UBL3: variants seen among roughly 807,000 people sequenced by gnomAD.
The protein encoded by UBL3 is ubiquitin like 3, also known as ubiquitin-like protein 3.
Under a neutral mutation model 18.4 loss-of-function variants are expected in UBL3, and 6 were observed. The observed-to-expected ratio is 0.33, with a 90% CI of 0.18 to 0.64. UBL3 has a LOEUF of 0.64. Ranked by LOEUF, UBL3 falls within the 30% of genes least tolerant of loss-of-function variation. The probability of loss-of-function intolerance (pLI) is 0.76; values close to 1 mark genes in which losing one functional copy is unlikely to be tolerated. For missense variants in UBL3, 109 were observed against 142.9 expected, an observed-to-expected ratio of 0.76 and a Z score of 1.21; for synonymous variants, 49 against 46.6, an observed-to-expected ratio of 1.05 and a Z score of -0.21.
intron 1 of UBL3, among the ~76,000 whole-genome samples, chr13:29,794,419 ATGTT>A (rs1222701243): frequency 3.3e-5 from 5 of 151,998 alleles, no homozygotes; most frequent in Non-Finnish European, 7.4e-5. Flanking sequence ...TACTTTAGTT[ATGTT>A]TGTTAGGTGA....
At position 29,850,518 on chromosome 13, in the gene UBL3, C is replaced by A. The variant is rs550775715; in HGVS notation, c.-980G>T. 6.5e-6 allele frequency: 1 copy of A among 153,022 alleles called. No homozygotes were observed. Among genetic ancestry groups the A allele is most frequent in the Non-Finnish European group, 1.5e-5 (1 of 68,720 alleles). The allele number at this position is 153,022 out of a possible 1,614,324, so 9.5% of individuals were successfully genotyped here. ...TCAGAGCTTTGTTTCTCCTCCTCCTCCTTCACTTTTCAGTCCCACACGCCG... is the reference window on the plus strand; with the variant it reads ...TCAGAGCTTTGTTTCTCCTCCTCCTACTTCACTTTTCAGTCCCACACGCCG... On this transcript the variant is annotated 5_prime_UTR_variant, in exon 1 of 5. Coordinates refer to ENST00000380680, the MANE Select transcript of UBL3 (RefSeq NM_007106.4).
chr13:29,794,108 A>C (rs888069128), intron 1 of UBL3, among the ~76,000 whole-genome samples: 1 of 152,226 alleles, frequency 6.6e-6, no homozygotes, highest in Non-Finnish European at 1.5e-5. Context: ...ACCCTCCCGA[A>C]GTGCTGGGAT....
At chr13:29,843,234 C>T (rs1027972616) in intron 1 of UBL3, among the ~76,000 whole-genome samples, 2 of 152,084 alleles carry the variant, frequency 1.3e-5, no homozygotes, top group Admixed American at 1.3e-4. Context: ...CATTTATAAA[C>T]ATACACATAG....
At chr13:29,792,706 T>C (rs1183119205) in intron 1 of UBL3, among the ~76,000 whole-genome samples, 1 of 152,240 alleles carries the variant, frequency 6.6e-6, no homozygotes, top group Non-Finnish European at 1.5e-5. Context: ...CATGAATTCT[T>C]ACTTGAATAC....
chr13:29,840,711 C>G (rs1296746777), intron 1 of UBL3, among the ~76,000 whole-genome samples: 1 of 152,122 alleles, frequency 6.6e-6, no homozygotes, highest in Non-Finnish European at 1.5e-5. Context: ...TATTTTTTGA[C>G]AGAGCAACTA....
intron 1 of UBL3, among the ~76,000 whole-genome samples, chr13:29,820,930 T>C (rs766323216): frequency 1.5e-4 from 23 of 152,228 alleles, no homozygotes; most frequent in Non-Finnish European, 3.1e-4. Context: ...GACTGTCACA[T>C]GATAGGCTCT....
rs147613222 is a variant in UBL3 at position 29,827,439 on chromosome 13, G to A, written c.27+22073C>T. Among the ~76,000 whole-genome samples the A allele has an allele frequency of 2.8e-3, 423 of 151,840 alleles. 4 individuals are homozygous for A. The highest frequency in any genetic ancestry group is 3.3e-3 in the Non-Finnish European group (222 of 67,780). ...ATTGATCCCTTTACCATTATGTAAC[G>A]GCCTTGTCTCTTTTGATCTTTGCTG... On this transcript the variant is annotated intron_variant, in intron 1 of 4. Transcript: ENST00000380680.
At chr13:29,788,004 G>C (rs992126233) in intron 1 of UBL3, among the ~76,000 whole-genome samples, 1 of 152,134 alleles carries the variant, frequency 6.6e-6, no homozygotes, top group Non-Finnish European at 1.5e-5. Flanking sequence ...CATGATGGTG[G>C]AAGTTTTTTG....
At chr13:29,796,454 A>C (rs1877616344) in intron 1 of UBL3, among the ~76,000 whole-genome samples, 1 of 152,200 alleles carries the variant, frequency 6.6e-6, no homozygotes, top group South Asian at 2.1e-4. Context: ...ACTGCTGGTG[A>C]ATCTTCCCAA....
chr13:29,823,878 C>A (rs1008100822), intron 1 of UBL3, among the ~76,000 whole-genome samples: 2 of 143,282 alleles, frequency 1.4e-5, no homozygotes, highest in Non-Finnish European at 3.0e-5. Flanking sequence ...CAACCACAGG[C>A]CCCAGTGTGT....
chr13:29,764,870 C>T lies in UBL3; in HGVS notation c.*2385G>A, dbSNP rs1015733911. ...TTGGATATGAGGAATCGTATTTTAA[C>T]CACCAGGCAGTCCAAGGAATTATTT... On this transcript the variant is annotated 3_prime_UTR_variant, in exon 5 of 5. Transcript: ENST00000380680. The T allele has an allele frequency of 1.3e-5, 2 of 152,164 alleles. No individual in the cohort carries two copies. Among genetic ancestry groups the T allele is most frequent in the African/African-American group, 4.8e-5 (2 of 41,432 alleles). The allele number at this position is 152,164 out of a possible 1,614,324, so 9.4% of individuals were successfully genotyped here.
chr13:29,822,665 G>C (rs966317839), intron 1 of UBL3, among the ~76,000 whole-genome samples: 1 of 152,188 alleles, frequency 6.6e-6, no homozygotes, highest in Non-Finnish European at 1.5e-5. Flanking sequence ...AGACTCACCA[G>C]TAGCTGGGAT....
intron 1 of UBL3, among the ~76,000 whole-genome samples, chr13:29,822,331 A>C (rs1878479958): frequency 6.6e-6 from 1 of 152,234 alleles, no homozygotes; most frequent in Non-Finnish European, 1.5e-5. Context: ...ACCTAGCAAT[A>C]GGATAAAGTA....
At chr13:29,820,049 C>CTT (rs1293534528) in intron 1 of UBL3, among the ~76,000 whole-genome samples, 1 of 151,988 alleles carries the variant, frequency 6.6e-6, no homozygotes, top group Non-Finnish European at 1.5e-5. Flanking sequence ...CAACATATGG[C>CTT]TTTTTCTTTC....
At chr13:29,828,112 ATT>A (rs889994957) in intron 1 of UBL3, among the ~76,000 whole-genome samples, 5 of 151,688 alleles carry the variant, frequency 3.3e-5, no homozygotes, top group Non-Finnish European at 5.9e-5. Flanking sequence ...TGCCCTTAAC[ATT>A]TTTTCCTTCA....
Position 29,765,631 on chromosome 13 carries a change from A to G in UBL3, c.*1624T>C, listed in dbSNP as rs976726617. 3 of 151,992 alleles carry G rather than the reference A, an allele frequency of 2.0e-5. No homozygotes were observed. The highest frequency in any genetic ancestry group is 7.3e-5 in the African/African-American group (3 of 41,352). The allele number at this position is 151,992 out of a possible 1,614,324, so 9.4% of individuals were successfully genotyped here. Reference sequence around the variant, plus strand: ...CAAAATGCACTATCATTTTTTTTTTATTTAGTTTACAGGAAGAATCTGTAA... The same window carrying G: ...CAAAATGCACTATCATTTTTTTTTTGTTTAGTTTACAGGAAGAATCTGTAA... On this transcript the variant is annotated 3_prime_UTR_variant, in exon 5 of 5. Transcript: ENST00000380680.
chr13:29,842,475 CTGACACT>C (rs1425357423), intron 1 of UBL3, among the ~76,000 whole-genome samples: 38 of 152,148 alleles, frequency 2.5e-4, no homozygotes, highest in African/African-American at 7.7e-4. Flanking sequence ...TTCTCTTTTA[CTGACACT>C]TGGCAGGATC....
chr13:29,774,312 T>C (rs1876923275), intron 2 of UBL3, among the ~76,000 whole-genome samples: 1 of 152,130 alleles, frequency 6.6e-6, no homozygotes, highest in Admixed American at 6.5e-5. Context: ...ACTGCCCAAA[T>C]AAATTTCAGA....
rs1878903256 is a variant in UBL3, at chr13:29,835,118, ATATATAAATATATATAT to A, written c.27+14377_27+14393del. 2.3e-4 allele frequency among the ~76,000 whole-genome samples: 6 copies of A among 26,268 alleles called. 1 individual carries two copies. Among genetic ancestry groups the A allele is most frequent in the Middle Eastern group, 0.016 (1 of 62 alleles). 17.2% of individuals were successfully genotyped at this position (26,268 alleles called of 152,430 possible). On this transcript the variant is annotated intron_variant, in intron 1 of 4. Transcript: ENST00000380680. ...TATATATATATATAAATATATATAT[ATATATAAATATATATAT>A]ATATATATATATATATATATATATA...
Sources: allele counts gnomAD v4.1 joint callset (sites outside exome capture counted in the v4.1 genomes callset), GRCh38; gene constraint gnomAD v4.1.1; transcripts MANE v1.5; gene names NCBI Gene and HGNC (gene_info 2026-07-23, HGNC 2026-07-21).